The following ZBTB34 variants were observed in gnomAD, a reference collection of about 807,000 sequenced individuals.
ZBTB34 encodes zinc finger and BTB domain containing 34, also known as zinc finger and BTB domain-containing protein 34.
Under a neutral mutation model 33.4 loss-of-function variants are expected in ZBTB34, and 1 was observed. The observed-to-expected ratio is 0.03, with a 90% confidence interval of 0.01 to 0.14. The LOEUF (loss-of-function observed/expected upper bound fraction) is 0.14, where lower values mean the gene tolerates loss of function less well. Ranked by LOEUF, ZBTB34 falls within the 10% of genes least tolerant of loss-of-function variation. The pLI is 1.00. For synonymous variants in ZBTB34, 283 were observed against 253.5 expected (o/e 1.12, Z -1.11); for missense variants, 406 against 657.2 (o/e 0.62, Z 4.18).
At chr9:126,881,739 T>C (rs1228371423) in exon 2 of ZBTB34, 1 of 167,018 alleles carries the variant, frequency 6.0e-6, no homozygotes, top group Non-Finnish European at 1.5e-5. Context: ...TGCTGACCTT[T>C]TTACATAGTG....
At chr9:126,870,146 G>A (rs951451434) in intron 1 of ZBTB34, among the ~76,000 whole-genome samples, 1 of 152,108 alleles carries the variant, frequency 6.6e-6, no homozygotes, top group Non-Finnish European at 1.5e-5. Flanking sequence ...AAAGAGTTCT[G>A]GTTCTGATGG....
At chr9:126,875,749 T>C (rs2033348058) in intron 1 of ZBTB34, among the ~76,000 whole-genome samples, 1 of 152,194 alleles carries the variant, frequency 6.6e-6, no homozygotes, top group Non-Finnish European at 1.5e-5. Context: ...CTGCATGTAA[T>C]AGTAATTTTG....
At chr9:126,884,567 A>T (rs896603990) in exon 2 of ZBTB34, 2 of 167,076 alleles carry the variant, frequency 1.2e-5, no homozygotes, top group African/African-American at 4.8e-5. Context: ...ATAATTTTTA[A>T]ATCTTCCAGA....
intron 1 of ZBTB34, among the ~76,000 whole-genome samples, chr9:126,876,823 T>C (rs1378356079): frequency 1.3e-5 from 2 of 152,232 alleles, no homozygotes; most frequent in African/African-American, 4.8e-5. Flanking sequence ...TTGATTTCAA[T>C]CATAAATCTA....
At position 126,880,893 on chromosome 9, in the gene ZBTB34, A is replaced by G. The variant is rs749687686; in HGVS notation, c.1494A>G (p.Thr498=). ...TAGATTCCCGGATGGAAATTCACAC[A>G]GTGTCTGATGCTCCCGATTAAGATG... Residue 498 remains threonine (T), a synonymous_variant, in exon 2 of 2, where the codon ACA becomes ACG. Transcript: ENST00000319119. The surrounding 1 kb of genome is among the most constrained non-coding windows in gnomAD (Gnocchi z 6.7). 2 of 1,612,350 alleles carry G rather than the reference A, an allele frequency of 1.2e-6. No homozygotes were observed. Among genetic ancestry groups the G allele is most frequent in the East Asian group, 2.2e-5 (1 of 44,880 alleles).
At chr9:126,878,975 C>T (rs1053771860) in intron 1 of ZBTB34, among the ~76,000 whole-genome samples, 13 of 152,126 alleles carry the variant, frequency 8.5e-5, no homozygotes, top group African/African-American at 3.1e-4. Context: ...CCGCCTCCCT[C>T]AGCCTCCCAA....
chr9:126,861,146 G>A (rs894738403), intron 1 of ZBTB34, among the ~76,000 whole-genome samples: 7 of 152,180 alleles, frequency 4.6e-5, no homozygotes, highest in African/African-American at 1.7e-4. Flanking sequence ...AGGGCAGATG[G>A]TTGAGTTCCC....
At chr9:126,876,862 C>T (rs759334622) in intron 1 of ZBTB34, among the ~76,000 whole-genome samples, 4 of 152,084 alleles carry the variant, frequency 2.6e-5, no homozygotes, top group Non-Finnish European at 4.4e-5. Context: ...TATTCCTCTT[C>T]GACTAAAATG....
intron 1 of ZBTB34, among the ~76,000 whole-genome samples, chr9:126,865,547 G>A (rs1157388699): frequency 6.6e-6 from 1 of 152,200 alleles, no homozygotes; most frequent in Admixed American, 6.5e-5. Flanking sequence ...TGGGTGTTTT[G>A]CCCAGATGGC....
At chr9:126,868,237 C>T (rs977561404) in intron 1 of ZBTB34, among the ~76,000 whole-genome samples, 1 of 152,118 alleles carries the variant, frequency 6.6e-6, no homozygotes, top group East Asian at 1.9e-4. Flanking sequence ...GATGCATGGG[C>T]GCAGTGATGG....
At chr9:126,881,414 T>C (rs1288765894) in exon 2 of ZBTB34, 1 of 162,924 alleles carries the variant, frequency 6.1e-6, no homozygotes, top group Non-Finnish European at 1.5e-5. Flanking sequence ...ATATACATTT[T>C]CAAATTTGAT....
At chr9:126,864,835 A>G (rs2033180183) in intron 1 of ZBTB34, among the ~76,000 whole-genome samples, 1 of 152,164 alleles carries the variant, frequency 6.6e-6, no homozygotes. Flanking sequence ...TTCTGTTACC[A>G]TGCCTTTTGT....
intron 1 of ZBTB34, among the ~76,000 whole-genome samples, chr9:126,868,606 A>G (rs911085931): frequency 3.3e-5 from 5 of 152,180 alleles, no homozygotes; most frequent in Non-Finnish European, 7.4e-5. Context: ...TGTGGCTTCC[A>G]TGTCTGCCGT....
chr9:126,868,709 A>G (rs1007700522), intron 1 of ZBTB34, among the ~76,000 whole-genome samples: 1 of 152,168 alleles, frequency 6.6e-6, no homozygotes, highest in Admixed American at 6.5e-5. Context: ...GCCGGTCTCA[A>G]TGCTGCTTTG....
intron 1 of ZBTB34, among the ~76,000 whole-genome samples, chr9:126,875,717 C>CTG (rs139880955): frequency 0.013 from 1,986 of 152,252 alleles, 54 homozygotes; most frequent in East Asian, 0.1. Flanking sequence ...TGGGTTTTCT[C>CTG]TAAATAATTT....
At chr9:126,885,209 G>A (rs893913009) in exon 2 of ZBTB34, 4 of 167,026 alleles carry the variant, frequency 2.4e-5, no homozygotes, top group Admixed American at 6.5e-5. Flanking sequence ...TTCTCGGCCC[G>A]GAAGAGAACC....
At chr9:126,881,712 A>ACC (rs1237384749) in exon 2 of ZBTB34, 3 of 167,120 alleles carry the variant, frequency 1.8e-5, no homozygotes, top group East Asian at 1.9e-4. Context: ...CCAGCAGGTA[A>ACC]GCTGGATGAC....
At position 126,879,480 on chromosome 9, in the gene ZBTB34, C is replaced by T. The variant is rs1283814151; in HGVS notation, c.81C>T (p.Asn27=). 4.3e-6 allele frequency: 7 copies of T among 1,613,800 alleles called. No individual in the cohort carries two copies. The highest frequency in any genetic ancestry group is 2.2e-5 in the East Asian group (1 of 44,896). Residue 27 remains asparagine (N), a synonymous_variant, in exon 2 of 2, where the codon AAC becomes AAT. Transcript: ENST00000319119. The surrounding 1 kb of genome is among the most constrained non-coding windows in gnomAD (Gnocchi z 6.4). ...GCAGCACCGTTCTGAGCCAGCTAAACGAACTCCGCCTGCAGGGGAAACTAT... is the reference window on the plus strand; with the variant it reads ...GCAGCACCGTTCTGAGCCAGCTAAATGAACTCCGCCTGCAGGGGAAACTAT...
intron 1 of ZBTB34, among the ~76,000 whole-genome samples, chr9:126,869,119 G>C (rs2033245711): frequency 6.6e-6 from 1 of 152,104 alleles, no homozygotes; most frequent in African/African-American, 2.4e-5. Context: ...ATGTAATCTT[G>C]ATGGATATTA....
Sources: allele counts gnomAD v4.1 joint callset (sites outside exome capture counted in the v4.1 genomes callset), GRCh38; gene constraint gnomAD v4.1.1; non-coding constraint Gnocchi (gnomAD v3.1); transcripts MANE v1.5; gene names NCBI Gene and HGNC (gene_info 2026-07-23, HGNC 2026-07-21).